Variants in TAFA2 observed in about 807,000 individuals in gnomAD.
TAFA2 encodes the protein TAFA chemokine like family member 2.
In TAFA2, 7 loss-of-function variants were observed where a neutral mutation model predicts 18.8. The ratio of observed to expected loss-of-function variants is 0.37; its 90% CI spans 0.21 to 0.70. The LOEUF is 0.70. Ranked by LOEUF, TAFA2 falls within the 30% of genes least tolerant of loss-of-function variation. The pLI is 0.53. For missense variants in TAFA2, 122 were observed against 158.1 expected (o/e 0.77, Z 1.23); for synonymous variants, 60 against 54.2 (o/e 1.11, Z -0.47).
At chr12:61,768,861 T>C (rs540499486) in intron 2 of TAFA2, among the ~76,000 whole-genome samples, 27 of 151,876 alleles carry the variant, frequency 1.8e-4, no homozygotes, top group Non-Finnish European at 2.4e-4. Context: ...GGAGTGCACA[T>C]AGAAGCACAG....
At chr12:62,236,272 C>CTTTTTTTTTTT (rs58214265) in intron 1 of TAFA2, among the ~76,000 whole-genome samples, 2 of 120,638 alleles carry the variant, frequency 1.7e-5, no homozygotes, top group Non-Finnish European at 3.7e-5. Context: ...TTTTTTTTTT[C>CTTTTTTTTTTT]TTTTTTTTTT....
chr12:62,019,817 A>C (rs1454885090), intron 1 of TAFA2, among the ~76,000 whole-genome samples: 6 of 130,666 alleles, frequency 4.6e-5, no homozygotes, highest in African/African-American at 1.7e-4. Context: ...CTTAAAGTAT[A>C]ATAAAAAAAT....
chr12:62,087,918 A>C (rs1398292803), intron 1 of TAFA2, among the ~76,000 whole-genome samples: 1 of 152,066 alleles, frequency 6.6e-6, no homozygotes, highest in African/African-American at 2.4e-5. Flanking sequence ...AAAGCCAACA[A>C]ATCTTGCTGT....
At chr12:62,052,376 CA>C (rs1231851312) in intron 1 of TAFA2, among the ~76,000 whole-genome samples, 1 of 151,940 alleles carries the variant, frequency 6.6e-6, no homozygotes, top group African/African-American at 2.4e-5. Context: ...TGTTGTTGTA[CA>C]GATGGAGTCT....
At chr12:62,121,043 G>A (rs1367965260) in intron 1 of TAFA2, among the ~76,000 whole-genome samples, 2 of 151,602 alleles carry the variant, frequency 1.3e-5, no homozygotes, top group Non-Finnish European at 1.5e-5. Context: ...TAGTAGAGAC[G>A]GGGTTTCTCC....
intron 1 of TAFA2, among the ~76,000 whole-genome samples, chr12:62,169,106 G>A (rs1252614545): frequency 6.6e-6 from 1 of 152,102 alleles, no homozygotes; most frequent in African/African-American, 2.4e-5. Flanking sequence ...AATATTTTCT[G>A]GAAGAGTCAT....
intron 4 of TAFA2, among the ~76,000 whole-genome samples, chr12:61,749,058 G>A (rs1293087777): frequency 1.3e-5 from 2 of 151,328 alleles, no homozygotes; most frequent in East Asian, 3.9e-4. Flanking sequence ...TTGAGGCCAG[G>A]AGTCAGAGAC....
chr12:62,183,072 T>C (rs1266570098), intron 1 of TAFA2, among the ~76,000 whole-genome samples: 7 of 152,232 alleles, frequency 4.6e-5, no homozygotes, highest in Admixed American at 4.6e-4. Context: ...AAAATTCATA[T>C]ACTAAAGCCT....
chr12:61,810,759 A>C (rs2121005237), intron 2 of TAFA2, among the ~76,000 whole-genome samples: 1 of 151,338 alleles, frequency 6.6e-6, no homozygotes, highest in African/African-American at 2.5e-5. Flanking sequence ...TTGGGTCATA[A>C]GAATCTGCTG....
chr12:61,909,128 C>T (rs1280068254), intron 1 of TAFA2, among the ~76,000 whole-genome samples: 3 of 152,142 alleles, frequency 2.0e-5, no homozygotes, highest in Non-Finnish European at 4.4e-5. Flanking sequence ...GGGCCCTGCA[C>T]AGGATGAGAA....
At chr12:61,990,409 G>A (rs547213300) in intron 1 of TAFA2, among the ~76,000 whole-genome samples, 23 of 130,784 alleles carry the variant, frequency 1.8e-4, no homozygotes, top group Non-Finnish European at 2.8e-4. Flanking sequence ...GCGCTATCTC[G>A]GCTCACTGCA....
At position 61,941,543 on chromosome 12, in the gene TAFA2, G is replaced by A. The variant is rs189953906; in HGVS notation, c.-1-74117C>T. 5.5e-4 allele frequency among the ~76,000 whole-genome samples: 83 copies of A among 152,236 alleles called. 1 individual carries two copies. Among genetic ancestry groups the A allele is most frequent in the South Asian group, 1.7e-3 (8 of 4,824 alleles). On this transcript the variant is annotated intron_variant, in intron 1 of 4. Transcript: ENST00000416284. ...TTTCTGCATTTCCATCTGAGGTACC[G>A]GGTTCATCTCACTAGGGAGTGCCAG...
chr12:62,205,506 CTG>C (rs2062688138), intron 1 of TAFA2, among the ~76,000 whole-genome samples: 1 of 152,242 alleles, frequency 6.6e-6, no homozygotes, highest in Non-Finnish European at 1.5e-5. Context: ...TATCAGAGTT[CTG>C]TTTGTAAACC....
intron 1 of TAFA2, among the ~76,000 whole-genome samples, chr12:62,025,443 T>C (rs1881280974): frequency 6.6e-6 from 1 of 152,034 alleles, no homozygotes; most frequent in Admixed American, 6.6e-5. Flanking sequence ...AATAAGCAAA[T>C]AAATGAAACT....
chr12:61,974,819 A>G (rs1326167954), intron 1 of TAFA2, among the ~76,000 whole-genome samples: 1 of 151,750 alleles, frequency 6.6e-6, no homozygotes, highest in Non-Finnish European at 1.5e-5. Flanking sequence ...GTCTTTTTTA[A>G]CTTTTGTAAA....
At chr12:61,880,270 G>T in intron 1 of TAFA2, 1 of 476,256 alleles carries the variant, frequency 2.1e-6, no homozygotes. Context: ...ATGTCAGCTG[G>T]CTCCAGGCTG....
At chr12:62,127,485 A>C (rs183642422) in intron 1 of TAFA2, among the ~76,000 whole-genome samples, 1 of 152,168 alleles carries the variant, frequency 6.6e-6, no homozygotes, top group Admixed American at 6.6e-5. Flanking sequence ...GGTTCATCTT[A>C]AGTTGTGACA....
chr12:62,182,014 C>T (rs2062556050), intron 1 of TAFA2, among the ~76,000 whole-genome samples: 1 of 141,460 alleles, frequency 7.1e-6, no homozygotes, highest in Non-Finnish European at 1.5e-5. Context: ...CACATAGTAG[C>T]TACTCAAGTA....
chr12:61,764,334 C>T (rs960493435), intron 2 of TAFA2, among the ~76,000 whole-genome samples: 3 of 151,998 alleles, frequency 2.0e-5, no homozygotes, highest in Non-Finnish European at 2.9e-5. Context: ...AGAAATAGAA[C>T]ATCCCCAATT....
Sources: gnomAD v4.1 joint callset for allele counts (sites outside exome capture counted in the v4.1 genomes callset) on GRCh38, gnomAD v4.1.1 for gene constraint, MANE v1.5 for transcripts, NCBI Gene and HGNC (gene_info 2026-07-23, HGNC 2026-07-21) for gene names.